CADM2: variants seen among roughly 807,000 people sequenced by gnomAD.
CADM2 encodes the protein cell adhesion molecule 2, also known as immunoglobulin superfamily member 4D.
Under a neutral mutation model 49.8 loss-of-function variants are expected in CADM2, and 12 were observed. That is an observed-to-expected ratio of 0.24 (90% CI 0.15 to 0.39). The LOEUF (loss-of-function observed/expected upper bound fraction) is 0.39. CADM2 is among the 10% of genes least tolerant of loss of function. The probability of loss-of-function intolerance (pLI) is 1.00; values close to 1 mark genes in which losing one functional copy is unlikely to be tolerated. For synonymous variants in CADM2, 214 were observed against 175.4 expected (o/e 1.22, Z -1.74); for missense variants, 378 against 492.3 (o/e 0.77, Z 2.20).
chr3:84,991,332 T>TA (rs1163403535), intron 1 of CADM2, among the ~76,000 whole-genome samples: 1 of 152,128 alleles, frequency 6.6e-6, no homozygotes. Flanking sequence ...TTGCACCATT[T>TA]ATACAGTAGG....
intron 1 of CADM2, among the ~76,000 whole-genome samples, chr3:85,204,635 C>T (rs2041588098): frequency 6.6e-6 from 1 of 152,110 alleles, no homozygotes; most frequent in African/African-American, 2.4e-5. Flanking sequence ...TTCCATCTAT[C>T]ACAGTGCTAA....
At chr3:85,717,809 C>T (rs2067350830) in intron 1 of CADM2, among the ~76,000 whole-genome samples, 1 of 152,104 alleles carries the variant, frequency 6.6e-6, no homozygotes, top group African/African-American at 2.4e-5. Flanking sequence ...CTCTTGTCGC[C>T]CAGGCTGGAG....
chr3:85,365,119 A>C (rs757495242), intron 1 of CADM2, among the ~76,000 whole-genome samples: 28 of 150,800 alleles, frequency 1.9e-4, no homozygotes, highest in Non-Finnish European at 3.4e-4. Context: ...TGTATGATGA[A>C]GGTTTTTCTA....
intron 1 of CADM2, among the ~76,000 whole-genome samples, chr3:85,110,588 T>C (rs1273027971): frequency 1.3e-5 from 2 of 151,950 alleles, no homozygotes; most frequent in Non-Finnish European, 2.9e-5. Context: ...CAATGAGTCA[T>C]GCTTTACTAA....
chr3:85,759,801 G>A (rs1417148134), intron 2 of CADM2, among the ~76,000 whole-genome samples: 9 of 152,018 alleles, frequency 5.9e-5, no homozygotes, highest in Non-Finnish European at 7.4e-5. Context: ...TGGGGACCTT[G>A]GGGACATTAC....
chr3:85,575,946 C>A (rs1355665212), intron 1 of CADM2, among the ~76,000 whole-genome samples: 1 of 152,124 alleles, frequency 6.6e-6, no homozygotes, highest in Non-Finnish European at 1.5e-5. Flanking sequence ...ACTTCTCTAA[C>A]CTTTTTGAAC....
chr3:85,443,780 T>C (rs987363782), intron 1 of CADM2, among the ~76,000 whole-genome samples: 2 of 152,142 alleles, frequency 1.3e-5, no homozygotes, highest in Non-Finnish European at 2.9e-5. Context: ...GGATCTCTTT[T>C]TCCCTTGTGA....
intron 1 of CADM2, among the ~76,000 whole-genome samples, chr3:85,413,547 A>G (rs2035774372): frequency 1.3e-5 from 2 of 152,160 alleles, no homozygotes. Flanking sequence ...AGAAGGCCTC[A>G]GGAAACTTAC....
At chr3:85,808,535 G>T (rs1326028765) in intron 3 of CADM2, among the ~76,000 whole-genome samples, 4 of 152,144 alleles carry the variant, frequency 2.6e-5, no homozygotes, top group Non-Finnish European at 5.9e-5. Flanking sequence ...ATCAGTTAAT[G>T]CTCAGGAAAG....
rs1202555923 is a variant in CADM2 at position 85,304,307 on chromosome 3, G to C, written c.61+344639G>C. 2.0e-5 allele frequency among the ~76,000 whole-genome samples: 3 copies of C among 151,844 alleles called. No individual in the cohort carries two copies. In the South Asian group the frequency reaches 6.2e-4, roughly 31 times the overall value. On this transcript the variant is annotated intron_variant, in intron 1 of 9. Coordinates refer to ENST00000383699, the MANE Select transcript of CADM2 (RefSeq NM_001167675.2). ...CCAGATATTCTTGTAATTGTTCTTAGAAGTTTCAAACGGTATATCATAACT... is the reference window on the plus strand; with the variant it reads ...CCAGATATTCTTGTAATTGTTCTTACAAGTTTCAAACGGTATATCATAACT...
chr3:85,488,780 C>T (rs2107641953), intron 1 of CADM2, among the ~76,000 whole-genome samples: 1 of 152,172 alleles, frequency 6.6e-6, no homozygotes, highest in Middle Eastern at 3.4e-3. Context: ...CTGCTCTCCT[C>T]GGCCTCCCAA....
At chr3:85,290,295 C>T (rs545711270) in intron 1 of CADM2, among the ~76,000 whole-genome samples, 7 of 152,104 alleles carry the variant, frequency 4.6e-5, no homozygotes, top group East Asian at 1.9e-4. Context: ...CCTACGCCCA[C>T]GGAATCTTGC....
At chr3:85,327,779 T>C (rs1468950662) in intron 1 of CADM2, among the ~76,000 whole-genome samples, 1 of 152,180 alleles carries the variant, frequency 6.6e-6, no homozygotes, top group African/African-American at 2.4e-5. Context: ...GCCTTATTTT[T>C]CTGTAATTCA....
At chr3:85,839,641 G>C (rs1229236207) in intron 3 of CADM2, among the ~76,000 whole-genome samples, 1 of 151,754 alleles carries the variant, frequency 6.6e-6, no homozygotes, top group South Asian at 2.1e-4. Flanking sequence ...ATGAGGGGAA[G>C]TGGGACTGAA....
At chr3:85,399,651 T>C (rs1418822426) in intron 1 of CADM2, among the ~76,000 whole-genome samples, 1 of 152,218 alleles carries the variant, frequency 6.6e-6, no homozygotes, top group East Asian at 1.9e-4. Context: ...TTTTATTTCG[T>C]TGAGCAGTGG....
At chr3:85,610,983 T>C (rs2063666581) in intron 1 of CADM2, among the ~76,000 whole-genome samples, 1 of 151,878 alleles carries the variant, frequency 6.6e-6, no homozygotes, top group Admixed American at 6.6e-5. Flanking sequence ...ACAGATTAAT[T>C]GACTGAAACC....
chr3:84,975,220 A>T (rs1057359755), intron 1 of CADM2, among the ~76,000 whole-genome samples: 1 of 151,888 alleles, frequency 6.6e-6, no homozygotes, highest in African/African-American at 2.4e-5. Flanking sequence ...ACAGTTATTT[A>T]AAACAAAATA....
chr3:85,707,355 C>A (rs1190439848), intron 1 of CADM2, among the ~76,000 whole-genome samples: 1 of 149,314 alleles, frequency 6.7e-6, no homozygotes, highest in Non-Finnish European at 1.5e-5. Flanking sequence ...TCTAGGACTT[C>A]CCAGTGCTAG....
At chr3:85,182,501 T>G (rs2040961089) in intron 1 of CADM2, among the ~76,000 whole-genome samples, 1 of 152,038 alleles carries the variant, frequency 6.6e-6, no homozygotes, top group South Asian at 2.1e-4. Flanking sequence ...TTGAGGGACA[T>G]TCTACTATGT....
Sources: gnomAD v4.1 joint callset for allele counts (sites outside exome capture counted in the v4.1 genomes callset) on GRCh38, gnomAD v4.1.1 for gene constraint, MANE v1.5 for transcripts, NCBI Gene and HGNC (gene_info 2026-07-23, HGNC 2026-07-21) for gene names.